ZFP69B: variants seen among roughly 807,000 people sequenced by gnomAD.
The protein encoded by ZFP69B is ZFP69 zinc finger protein B.
ZFP69B carries 20 observed loss-of-function variants against 19.7 expected under a neutral mutation model. The observed-to-expected ratio is 1.02, with a 90% CI of 0.71 to 1.48. The LOEUF (loss-of-function observed/expected upper bound fraction) is 1.48, where lower values mean the gene tolerates loss of function less well. Among genes scored for constraint, ZFP69B ranks in the 40% most tolerant of loss-of-function variants. ZFP69B has a pLI of 0.00. For missense variants in ZFP69B, 583 were observed against 632.6 expected (o/e 0.92, Z 0.84); for synonymous variants, 220 against 222.7 (o/e 0.99, Z 0.11).
In ZFP69B at chr1:40,463,321, C is replaced by A; in HGVS notation, c.1337C>A (p.Pro446Gln). Residue 446 changes from proline (P) to glutamine (Q), a missense_variant, in exon 5 of 5, where the codon CCA (proline) becomes CAA (glutamine). By Grantham distance (76) the Pro-to-Gln change is moderately conservative (BLOSUM62 -1). Transcript: ENST00000361584. The part of the protein sequence containing the change: ...QHQRTHTGER[P>Q]YKCKECGKAF... ...CAGAGAACTCATACTGGAGAAAGAC[C>A]ATATAAATGTAAGGAATGTGGGAAA... The A allele has an allele frequency of 6.2e-7, 1 of 1,614,086 alleles. No homozygotes were observed. The highest frequency in any genetic ancestry group is 8.5e-7 in the Non-Finnish European group (1 of 1,180,020).
At chr1:40,452,873 C>G (rs78619715) in intron 1 of ZFP69B, among the ~76,000 whole-genome samples, 4,546 of 151,056 alleles carry the variant, frequency 0.03, 101 homozygotes, top group Middle Eastern at 0.059. Flanking sequence ...TAAATATTAA[C>G]AATTGTTGAA....
chr1:40,463,376 C>T lies in ZFP69B; in HGVS notation c.1392C>T (p.Ile464=), dbSNP rs772441145. Residue 464 remains isoleucine (I), a synonymous_variant, in exon 5 of 5, where the codon ATC becomes ATT. Transcript: ENST00000361584. ...KAFSQRIHLS[I]HQRVHTGVKP... is the part of the protein sequence containing the mutation. ...TTAGCCAGAGAATACATCTTTCTAT[C>T]CATCAGAGAGTCCATACTGGAGTAA... 6.2e-7 allele frequency: 1 copy of T among 1,613,950 alleles called. No individual in the cohort carries two copies. The highest frequency in any genetic ancestry group is 1.1e-5 in the South Asian group (1 of 91,074).
chr1:40,459,476 A>G (rs2124421342), intron 4 of ZFP69B, among the ~76,000 whole-genome samples: 1 of 152,184 alleles, frequency 6.6e-6, no homozygotes, highest in East Asian at 1.9e-4. Flanking sequence ...AACATTAAGC[A>G]TGTTTTCTAC....
chr1:40,462,445 A>C lies in ZFP69B; in HGVS notation c.461A>C (p.Lys154Thr), dbSNP rs1403453649. The C allele has an allele frequency of 3.1e-6, 5 of 1,591,910 alleles. No homozygotes were observed. Among genetic ancestry groups the C allele is most frequent in the Non-Finnish European group, 3.4e-6 (4 of 1,173,436 alleles). ...SSDLKSKTKT[K>T]ESALQNDISW... is the part of the protein sequence containing the mutation. ...GACTTGAAGAGCAAAACAAAAACCA[A>C]AGAGTCAGCCTTACAGAATGATATT... is the stretch of plus-strand genomic sequence containing the variant. The change falls in exon 5 of 5, where the codon AAA (lysine) becomes ACA (threonine). Residue 154 changes from lysine (K) to threonine (T), a missense_variant. Transcript: ENST00000361584.
intron 4 of ZFP69B, among the ~76,000 whole-genome samples, chr1:40,459,961 A>G (rs1645266960): frequency 1.3e-5 from 2 of 152,198 alleles, no homozygotes. Context: ...CCTTCATCCA[A>G]AAATGTTATG....
intron 4 of ZFP69B, among the ~76,000 whole-genome samples, chr1:40,458,232 C>T (rs1370996524): frequency 6.6e-6 from 1 of 152,232 alleles, no homozygotes; most frequent in African/African-American, 2.4e-5. Flanking sequence ...CACTATTTTA[C>T]ACGACTGCAT....
At chr1:40,455,680 C>T (rs1645226057) in intron 2 of ZFP69B, among the ~76,000 whole-genome samples, 1 of 152,082 alleles carries the variant, frequency 6.6e-6, no homozygotes, top group African/African-American at 2.4e-5. Context: ...CATAGGTATA[C>T]ATGTGCCATG....
intron 2 of ZFP69B, 56 bp downstream of exon 2, chr1:40,454,344 C>T: frequency 7.7e-7 from 1 of 1,299,442 alleles, no homozygotes; most frequent in East Asian, 2.7e-5. Flanking sequence ...TTTAAGAGCG[C>T]AGGAGTTTGA....
rs1276639123 is a variant in ZFP69B at position 40,462,640 on chromosome 1, A to G, written c.656A>G (p.Gln219Arg). 3.7e-6 allele frequency: 6 copies of G among 1,613,964 alleles called. No individual in the cohort carries two copies. Among genetic ancestry groups the G allele is most frequent in the Non-Finnish European group, 5.1e-6 (6 of 1,180,020 alleles). The change falls in exon 5 of 5, where the codon CAG becomes CGG. Residue 219 changes from glutamine (Q) to arginine (R), a missense_variant. Transcript: ENST00000361584. ...CTGATGTGCAAGAAAACATTCACTC[A>G]GGAGAGAGGCCAAGAGTCTAATAGA... is the stretch of plus-strand genomic sequence containing the variant. ...IPLMCKKTFT[Q>R]ERGQESNRFE...
chr1:40,450,894 C>G lies in ZFP69B; in HGVS notation c.-68C>G. The G allele has an allele frequency of 7.1e-7, 1 of 1,405,278 alleles. No homozygotes were observed. Among genetic ancestry groups the G allele is most frequent in the South Asian group, 1.6e-5 (1 of 64,126 alleles). The allele number at this position is 1,405,278 out of a possible 1,614,324, so 87.1% of individuals were successfully genotyped here. A position where few individuals can be genotyped will look rare whatever the true frequency, so the allele number is the denominator to read the frequency against. On this transcript the variant is annotated 5_prime_UTR_variant, in exon 1 of 5. Transcript: ENST00000361584. ...TCCTGTCAGAGCTTCCAGCAATTTC[C>G]TCATCAGAGGTGGACAAGCCCTATG... is the stretch of plus-strand genomic sequence containing the variant.
At position 40,462,413 on chromosome 1, in the gene ZFP69B, T is replaced by G; in HGVS notation, c.437-8T>G. On this transcript the variant is annotated splice_region_variant and splice_polypyrimidine_tract_variant and intron_variant, in intron 4 of 4. Transcript: ENST00000361584. Reference sequence around the variant, plus strand: ...AATATGGATCTTTTTTTTTATTATTTCTTTCAGACTTGAAGAGCAAAACAA... The same window carrying G: ...AATATGGATCTTTTTTTTTATTATTGCTTTCAGACTTGAAGAGCAAAACAA... 6.4e-7 allele frequency: 1 copy of G among 1,562,766 alleles called. No individual in the cohort carries two copies. The highest frequency in any genetic ancestry group is 8.6e-7 in the Non-Finnish European group (1 of 1,162,558).
chr1:40,461,424 C>T (rs1569986415), intron 4 of ZFP69B, among the ~76,000 whole-genome samples: 2 of 152,092 alleles, frequency 1.3e-5, no homozygotes, highest in South Asian at 4.2e-4. Context: ...TTTGAGATAA[C>T]TTTTAAAATA....
chr1:40,453,314 G>C (rs1645202994), intron 1 of ZFP69B, among the ~76,000 whole-genome samples: 1 of 152,126 alleles, frequency 6.6e-6, no homozygotes, highest in African/African-American at 2.4e-5. Flanking sequence ...ATTCTAGAAA[G>C]CTGGCAGTGT....
Position 40,463,310 on chromosome 1 carries a change from T to C in ZFP69B, c.1326T>C (p.Thr442=), listed in dbSNP as rs1394682950. ...TAACTCAACACCAGAGAACTCATAC[T>C]GGAGAAAGACCATATAAATGTAAGG... ...TYLTQHQRTH[T]GERPYKCKEC... is the part of the protein sequence containing the mutation. The change falls in exon 5 of 5, where the codon ACT becomes ACC. Residue 442 remains threonine, a synonymous_variant. Coordinates refer to ENST00000361584, the MANE Select transcript of ZFP69B (RefSeq NM_023070.3). 1 of 1,614,132 alleles carries C rather than the reference T, an allele frequency of 6.2e-7. No homozygotes were observed. Among genetic ancestry groups the C allele is most frequent in the Admixed American group, 1.7e-5 (1 of 60,012 alleles).
At chr1:40,454,104 C>T (rs1184020804) in intron 1 of ZFP69B, 99 bp from the exon 2 acceptor site, 1 of 831,498 alleles carries the variant, frequency 1.2e-6, no homozygotes, top group Non-Finnish European at 1.7e-6. Context: ...TGTTTGTGAA[C>T]GTTTTTGGGG....
Position 40,463,657 on chromosome 1 carries a change from C to A in ZFP69B, c.*68C>A. 7.2e-7 allele frequency: 1 copy of A among 1,379,844 alleles called. No individual in the cohort carries two copies. The highest frequency in any genetic ancestry group is 9.8e-7 in the Non-Finnish European group (1 of 1,025,552). The allele number at this position is 1,379,844 out of a possible 1,614,324, so 85.5% of individuals were successfully genotyped here. On this transcript the variant is annotated 3_prime_UTR_variant, in exon 5 of 5. Coordinates refer to ENST00000361584, the MANE Select transcript of ZFP69B (RefSeq NM_023070.3). ...CTAAATCAGTGGTTCCCTGATCCCT[C>A]AAAAATCCATTTGTTTTTGGATTTC...
Position 40,454,224 on chromosome 1 carries a change from A to T in ZFP69B, c.149A>T (p.Asp50Val), listed in dbSNP as rs764531004. The change falls in exon 2 of 5, where the codon GAT (aspartate) becomes GTT (valine). Residue 50 changes from aspartate (D) to valine (V), a missense_variant. Asp to Val is a radical substitution (Grantham distance 152, BLOSUM62 -3). Transcript: ENST00000361584. ...CCAGCTCTGCTGTCTCAGGATGCTGATGAGACCCAGGGCGAAAGTTTAGAG... is the reference window on the plus strand; with the variant it reads ...CCAGCTCTGCTGTCTCAGGATGCTGTTGAGACCCAGGGCGAAAGTTTAGAG... The part of the protein sequence containing the change: ...KAEALLSQDA[D>V]ETQGESLESR... 1.9e-6 allele frequency: 3 copies of T among 1,603,966 alleles called. No individual in the cohort carries two copies. The highest frequency in any genetic ancestry group is 3.4e-5 in the Admixed American group (2 of 59,596).
In ZFP69B at chr1:40,463,324, A is replaced by G. The variant is rs891992901; in HGVS notation, c.1340A>G (p.Tyr447Cys). The change falls in exon 5 of 5, where the codon TAT (tyrosine) becomes TGT (cysteine). Residue 447 changes from tyrosine (Y) to cysteine (C), a missense_variant. By Grantham distance (194) the Tyr-to-Cys change is radical (BLOSUM62 -2). Transcript: ENST00000361584. ...HQRTHTGERP[Y>C]KCKECGKAFS... is the part of the protein sequence containing the mutation. Reference sequence around the variant, plus strand: ...AGAACTCATACTGGAGAAAGACCATATAAATGTAAGGAATGTGGGAAAGCC... The same window carrying G: ...AGAACTCATACTGGAGAAAGACCATGTAAATGTAAGGAATGTGGGAAAGCC... The G allele has an allele frequency of 5.6e-6, 9 of 1,614,038 alleles. No homozygotes were observed. The highest frequency in any genetic ancestry group is 1.7e-6 in the Non-Finnish European group (2 of 1,180,024).
chr1:40,462,270 C>A, intron 4 of ZFP69B, 151 bp from the exon 5 acceptor site: 1 of 693,940 alleles, frequency 1.4e-6, no homozygotes. Context: ...CACTTGCATC[C>A]ATATCAGCTC....
Sources: gnomAD v4.1 joint callset for allele counts (sites outside exome capture counted in the v4.1 genomes callset) on GRCh38, gnomAD v4.1.1 for gene constraint, MANE v1.5 for transcripts, NCBI Gene and HGNC (gene_info 2026-07-23, HGNC 2026-07-21) for gene names.